Variants in ROBO2 observed in about 807,000 individuals in gnomAD.
ROBO2 encodes roundabout homolog 2.
ROBO2 carries 53 observed loss-of-function variants against 160.8 expected under a neutral mutation model. The observed-to-expected ratio is 0.33, with a 90% CI of 0.26 to 0.41. ROBO2 has a LOEUF of 0.41. Ranked by LOEUF, ROBO2 falls within the 10% of genes least tolerant of loss-of-function variation. ROBO2 has a pLI of 1.00. For synonymous variants in ROBO2, 664 were observed against 611.7 expected, an observed-to-expected ratio of 1.09 and a Z score of -1.26; for missense variants, 1,577 against 1,722.4, an observed-to-expected ratio of 0.92 and a Z score of 1.49.
intron 2 of ROBO2, among the ~76,000 whole-genome samples, chr3:76,180,350 A>G (rs1337710901): frequency 6.6e-6 from 1 of 152,176 alleles, no homozygotes; most frequent in Non-Finnish European, 1.5e-5. Context: ...TATCTGATTA[A>G]GTAGAAGCAG....
intron 2 of ROBO2, among the ~76,000 whole-genome samples, chr3:76,424,885 C>T (rs1018235019): frequency 2.6e-5 from 4 of 152,082 alleles, no homozygotes; most frequent in East Asian, 3.9e-4. Flanking sequence ...GGTCCAAAGG[C>T]GTGCATGGCA....
intron 2 of ROBO2, among the ~76,000 whole-genome samples, chr3:77,025,267 T>C (rs2062895077): frequency 6.6e-6 from 1 of 152,196 alleles, no homozygotes; most frequent in African/African-American, 2.4e-5. Context: ...ACTAATATGC[T>C]TAAGCCTGCT....
chr3:76,454,135 C>G (rs920472632), intron 2 of ROBO2, among the ~76,000 whole-genome samples: 2 of 152,010 alleles, frequency 1.3e-5, no homozygotes, highest in Non-Finnish European at 2.9e-5. Context: ...ACTTAAGAAA[C>G]CTTTTGTGAG....
chr3:77,362,737 A>G (rs2070219922), intron 2 of ROBO2, among the ~76,000 whole-genome samples: 1 of 152,170 alleles, frequency 6.6e-6, no homozygotes, highest in Non-Finnish European at 1.5e-5. Flanking sequence ...TATAAAGGAA[A>G]GAGGATTAAT....
intron 2 of ROBO2, among the ~76,000 whole-genome samples, chr3:76,423,513 A>T (rs966871573): frequency 2.0e-5 from 3 of 152,200 alleles, no homozygotes; most frequent in Non-Finnish European, 4.4e-5. Flanking sequence ...AAGTGTGACA[A>T]TATTGAGAAC....
At chr3:77,465,820 A>G (rs943194746) in intron 2 of ROBO2, among the ~76,000 whole-genome samples, 4 of 152,346 alleles carry the variant, frequency 2.6e-5, no homozygotes, top group Admixed American at 2.0e-4. Flanking sequence ...TGTGCTTTTC[A>G]TAAGTAAACA....
intron 2 of ROBO2, among the ~76,000 whole-genome samples, chr3:76,429,509 ACAG>A (rs1203979835): frequency 3.3e-5 from 5 of 152,210 alleles, no homozygotes; most frequent in Admixed American, 3.3e-4. Context: ...GTTTGGTATG[ACAG>A]CATAATATGG....
chr3:75,985,689 G>C (rs1424932650), intron 2 of ROBO2, among the ~76,000 whole-genome samples: 1 of 151,530 alleles, frequency 6.6e-6, no homozygotes, highest in Non-Finnish European at 1.5e-5. Flanking sequence ...CTTTAGTCTT[G>C]TGAAACTGAA....
intron 2 of ROBO2, among the ~76,000 whole-genome samples, chr3:76,077,687 AAGG>A (rs1311872430): frequency 6.6e-6 from 1 of 152,198 alleles, no homozygotes; most frequent in Non-Finnish European, 1.5e-5. Context: ...ACAAATGGCT[AAGG>A]AGGAAACACA....
chr3:76,419,440 C>CT (rs11435799), intron 2 of ROBO2, among the ~76,000 whole-genome samples: 14,219 of 146,388 alleles, frequency 0.097, 1,639 homozygotes, highest in African/African-American at 0.28. Context: ...TTACAAACAT[C>CT]TTTTTTTTTT....
chr3:76,266,584 A>G (rs982093653), intron 2 of ROBO2, among the ~76,000 whole-genome samples: 3 of 152,120 alleles, frequency 2.0e-5, no homozygotes, highest in Non-Finnish European at 4.4e-5. Flanking sequence ...TCTACATCCA[A>G]GATTATGTTT....
chr3:76,652,377 T>C (rs1208506649), intron 2 of ROBO2, among the ~76,000 whole-genome samples: 2 of 152,180 alleles, frequency 1.3e-5, no homozygotes, highest in Non-Finnish European at 2.9e-5. Context: ...ACTTTATAGA[T>C]GCAAAAGCTG....
At chr3:76,487,170 A>C (rs867370237) in intron 2 of ROBO2, among the ~76,000 whole-genome samples, 10 of 150,902 alleles carry the variant, frequency 6.6e-5, no homozygotes, top group Admixed American at 5.3e-4. Context: ...TTGTAGAGAC[A>C]GTGTCTCTCT....
At chr3:75,949,710 G>A (rs906475694) in intron 2 of ROBO2, among the ~76,000 whole-genome samples, 3 of 152,000 alleles carry the variant, frequency 2.0e-5, no homozygotes, top group African/African-American at 7.2e-5. Context: ...GGTGCTGTAT[G>A]AGCACTCACT....
intron 2 of ROBO2, among the ~76,000 whole-genome samples, chr3:76,798,266 A>AAGAAAGAAAGAAAG (rs2063896218): frequency 1.4e-5 from 2 of 141,034 alleles, no homozygotes; most frequent in Admixed American, 6.9e-5. Flanking sequence ...GAAGGAAAGA[A>AAGAAAGAAAGAAAG]AGAAAGAAAG....
intron 2 of ROBO2, among the ~76,000 whole-genome samples, chr3:76,351,922 G>A (rs2108293435): frequency 6.6e-6 from 1 of 151,898 alleles, no homozygotes; most frequent in South Asian, 2.1e-4. Flanking sequence ...AAAGTGTTTG[G>A]GACATAGCCG....
chr3:76,947,150 C>T (rs955603366), intron 2 of ROBO2, among the ~76,000 whole-genome samples: 9 of 151,902 alleles, frequency 5.9e-5, no homozygotes, highest in African/African-American at 1.9e-4. Flanking sequence ...AACTCGTTTT[C>T]CACAAATTAG....
chr3:77,279,554 A>T (rs2060111019), intron 2 of ROBO2, among the ~76,000 whole-genome samples: 4 of 152,158 alleles, frequency 2.6e-5, no homozygotes, highest in Admixed American at 2.0e-4. Flanking sequence ...TTAGTGGACT[A>T]GTCCAGATCT....
At chr3:76,268,193 C>G (rs1707212664) in intron 2 of ROBO2, among the ~76,000 whole-genome samples, 1 of 152,026 alleles carries the variant, frequency 6.6e-6, no homozygotes, top group Admixed American at 6.6e-5. Flanking sequence ...TCACTTGATT[C>G]CAGGAATTCA....
Sources: allele counts gnomAD v4.1 joint callset (sites outside exome capture counted in the v4.1 genomes callset), GRCh38; gene constraint gnomAD v4.1.1; transcripts MANE v1.5; gene names NCBI Gene and HGNC (gene_info 2026-07-23, HGNC 2026-07-21).